SLC4A3: variants seen among roughly 807,000 people sequenced by gnomAD.
SLC4A3 encodes solute carrier family 4 member 3.
In SLC4A3, 47 loss-of-function variants were observed where a neutral mutation model predicts 114.2. The observed-to-expected ratio is 0.41, with a 90% CI of 0.33 to 0.52. The LOEUF (loss-of-function observed/expected upper bound fraction) is 0.52, where lower values mean the gene tolerates loss of function less well. Among genes scored for constraint, SLC4A3 ranks in the 20% least tolerant of loss-of-function variants. The probability of loss-of-function intolerance (pLI) is 0.21; values close to 1 mark genes in which losing one functional copy is unlikely to be tolerated. For missense variants in SLC4A3, 1,312 were observed against 1,668.3 expected (o/e 0.79, Z 3.72); for synonymous variants, 693 against 710.3 (o/e 0.98, Z 0.39).
At chr2:219,632,497 G>C in intron 8 of SLC4A3, 55 bp downstream of exon 8, 25 of 1,505,786 alleles carry the variant, frequency 1.7e-5, no homozygotes, top group Non-Finnish European at 2.0e-5. Flanking sequence ...TCTGTGCCAG[G>C]CTGCTCAGTT....
rs1574657795 is a variant in SLC4A3, at chr2:219,639,016, G to A, written c.3023+147G>A. On this transcript the variant is annotated intron_variant, in intron 19 of 22. Transcript: ENST00000358055. The surrounding 1 kb of genome is among the most constrained non-coding windows in gnomAD (Gnocchi z 5.9). Reference sequence around the variant, plus strand: ...GGTGGCAATCCTTGAGGAAGAGAGTGTGTGTGGAGGAGCTGGCAGGGGTGA... The same window carrying A: ...GGTGGCAATCCTTGAGGAAGAGAGTATGTGTGGAGGAGCTGGCAGGGGTGA... The A allele has an allele frequency of 1.1e-6, 1 of 892,170 alleles. No homozygotes were observed. Among genetic ancestry groups the A allele is most frequent in the Non-Finnish European group, 1.8e-6 (1 of 569,942 alleles). The allele number at this position is 892,170 out of a possible 1,614,324, so 55.3% of individuals were successfully genotyped here. A position where few individuals can be genotyped will look rare whatever the true frequency, so the allele number is the denominator to read the frequency against.
At position 219,641,953 on chromosome 2, in the gene SLC4A3, C is replaced by A; in HGVS notation, c.*225C>A. On this transcript the variant is annotated 3_prime_UTR_variant, in exon 23 of 23. Transcript: ENST00000358055. The surrounding 1 kb of genome is among the most constrained non-coding windows in gnomAD (Gnocchi z 4.0). ...GGCACAGGCTTTGAGCTCATTATAA[C>A]CACACTCCTTGTCTCGTGTCTGCCT... 1 of 490,866 alleles carries A rather than the reference C, an allele frequency of 2.0e-6. No homozygotes were observed. Among genetic ancestry groups the A allele is most frequent in the East Asian group, 3.2e-5 (1 of 30,948 alleles). The allele number at this position is 490,866 out of a possible 1,614,324, so 30.4% of individuals were successfully genotyped here. A position where few individuals can be genotyped will look rare whatever the true frequency, so the allele number is the denominator to read the frequency against.
chr2:219,627,921 A>C lies in SLC4A3; in HGVS notation c.-72A>C. ...CCAGGGCTCCCCGCTAGGCCCCCTCAGTGGCCCCTCCTTCTCACCTGGGTC... is the reference window on the plus strand; with the variant it reads ...CCAGGGCTCCCCGCTAGGCCCCCTCCGTGGCCCCTCCTTCTCACCTGGGTC... On this transcript the variant is annotated 5_prime_UTR_variant, in exon 2 of 23. Transcript: ENST00000358055. The C allele has an allele frequency of 3.9e-6, 5 of 1,296,172 alleles. No homozygotes were observed. Among genetic ancestry groups the C allele is most frequent in the Non-Finnish European group, 5.5e-6 (5 of 916,398 alleles). The allele number at this position is 1,296,172 out of a possible 1,614,324, so 80.3% of individuals were successfully genotyped here. A position where few individuals can be genotyped will look rare whatever the true frequency, so the allele number is the denominator to read the frequency against.
intron 10 of SLC4A3, 85 bp from the exon 11 acceptor site, chr2:219,633,795 A>AGAGCCAGGGCTG: frequency 2.6e-6 from 4 of 1,536,724 alleles, no homozygotes; most frequent in Admixed American, 4.0e-5. Context: ...AGCAGGTCTC[A>AGAGCCAGGGCTG]GAGCCAGGGC....
chr2:219,632,670 G>A (rs1432442811), intron 8 of SLC4A3, among the ~76,000 whole-genome samples: 2 of 152,246 alleles, frequency 1.3e-5, no homozygotes, highest in Non-Finnish European at 2.9e-5. Context: ...GGTGGGGAGG[G>A]GCCGTGCCCT....
chr2:219,632,738 T>C (rs1698972548), intron 8 of SLC4A3, 136 bp from the exon 9 acceptor site: 1 of 1,087,546 alleles, frequency 9.2e-7, no homozygotes. Context: ...AATATGGAGC[T>C]GTGTATCCAT....
chr2:219,635,137 G>T, intron 12 of SLC4A3, 134 bp from the exon 13 acceptor site: 1 of 687,598 alleles, frequency 1.5e-6, no homozygotes, highest in South Asian at 1.8e-5. Context: ...AGCCAACACT[G>T]TTGGACTGGC....
Position 219,639,520 on chromosome 2 carries a change from G to T in SLC4A3, c.3062G>T (p.Gly1021Val). 1.9e-6 allele frequency: 3 copies of T among 1,613,938 alleles called. No homozygotes were observed. Among genetic ancestry groups the T allele is most frequent in the Non-Finnish European group, 2.5e-6 (3 of 1,180,024 alleles). The stretch of plus-strand genomic sequence containing the variant: ...CAGAAGGCGCGGAGGCTGCTCAAGG[G>T]CTCCGGTTTCCACCTGGACCTGCTC... The part of the protein sequence containing the change: ...VSQKARRLLK[G>V]SGFHLDLLLI... Residue 1021 changes from glycine (G) to valine (V), a missense_variant, in exon 20 of 23, where the codon GGC becomes GTC. Physicochemically the swap from Gly to Val is moderately radical, Grantham distance 109. Around this residue, in one of 4 missense-constraint regions of SLC4A3, gnomAD observed 301 missense variants for 460.7 expected, o/e 0.65. Transcript: ENST00000358055. The surrounding 1 kb of genome is among the most constrained non-coding windows in gnomAD (Gnocchi z 5.9).
In SLC4A3 at chr2:219,637,451, G is replaced by A. The variant is rs1699163949; in HGVS notation, c.2536-130G>A. 1.7e-6 allele frequency: 1 copy of A among 605,936 alleles called. No individual in the cohort carries two copies. Among genetic ancestry groups the A allele is most frequent in the South Asian group, 2.0e-5 (1 of 49,196 alleles). 37.5% of individuals were successfully genotyped at this position (605,936 alleles called of 1,614,324 possible). On this transcript the variant is annotated intron_variant, in intron 16 of 22. Coordinates refer to ENST00000358055, the MANE Select transcript of SLC4A3 (RefSeq NM_005070.4). This position sits in a 1 kb window ranked among gnomAD's most constrained non-coding sequence, Gnocchi z 4.6. ...GTGTGTTGTGTGTGTGGTGCAGCTG[G>A]ATGTCCGTGCATTACTGTTGTCTGA...
At position 219,630,218 on chromosome 2, in the gene SLC4A3, C is replaced by T. The variant is rs36068948; in HGVS notation, c.677C>T (p.Ser226Leu). The change falls in exon 6 of 23, where the codon TCG becomes TTG. Residue 226 changes from serine (S) to leucine (L), a missense_variant. Ser to Leu is a moderately radical substitution (Grantham distance 145). Around this residue, in one of 4 missense-constraint regions of SLC4A3, gnomAD observed 771 missense variants for 977.7 expected, o/e 0.79. Coordinates refer to ENST00000358055, the MANE Select transcript of SLC4A3 (RefSeq NM_005070.4). The surrounding 1 kb of genome is among the most constrained non-coding windows in gnomAD (Gnocchi z 6.9). The part of the protein sequence containing the change: ...AGEKSRPWSP[S>L]ASYDLRERLC... ...GAGAAAAGCCGGCCCTGGAGCCCAT[C>T]GGCCAGTTATGACCTGCGGGAGCGA... 6.2e-4 allele frequency: 998 copies of T among 1,610,876 alleles called. 5 individuals are homozygous for T. The African/African-American group carries it at 8.8e-3, about 14-fold the overall frequency.
In SLC4A3 at chr2:219,636,235, A is replaced by G. The variant is rs1197224065; in HGVS notation, c.2192-67A>G. 36 of 1,593,682 alleles carry G rather than the reference A, an allele frequency of 2.3e-5. No homozygotes were observed. The highest frequency in any genetic ancestry group is 2.6e-5 in the Non-Finnish European group (31 of 1,170,110). On this transcript the variant is annotated intron_variant, in intron 14 of 22. Transcript: ENST00000358055. The surrounding 1 kb of genome is among the most constrained non-coding windows in gnomAD (Gnocchi z 5.5). ...TTTGTTGGGGGCCCCAGTTTAGGAC[A>G]AGCTAGATGAAGAAGGGGGCAGATA...
At position 219,635,403 on chromosome 2, in the gene SLC4A3, G is replaced by A. The variant is rs1421502892; in HGVS notation, c.1879G>A (p.Ala627Thr). 6.2e-7 allele frequency: 1 copy of A among 1,614,186 alleles called. No homozygotes were observed. The highest frequency in any genetic ancestry group is 2.2e-5 in the East Asian group (1 of 44,882). Reference protein sequence around the residue: ...EGRDLLRSVAAFQRELLRKRR... With the variant: ...EGRDLLRSVATFQRELLRKRR... Reference sequence around the variant, plus strand: ...CCGTGACCTGCTGCGCTCCGTGGCTGCTTTCCAGCGAGAGCTGCTTAGGAA... The same window carrying A: ...CCGTGACCTGCTGCGCTCCGTGGCTACTTTCCAGCGAGAGCTGCTTAGGAA... Residue 627 changes from alanine to threonine, a missense_variant, in exon 13 of 23, where the codon GCT becomes ACT. Around this residue, in one of 4 missense-constraint regions of SLC4A3, gnomAD observed 771 missense variants for 977.7 expected, o/e 0.79. Transcript: ENST00000358055.
intron 5 of SLC4A3, 37 bp downstream of exon 5, chr2:219,629,732 C>T (rs1470891577): frequency 2.1e-6 from 3 of 1,436,490 alleles, no homozygotes; most frequent in African/African-American, 2.8e-5. Context: ...GGGCCCAGCC[C>T]AGAGCCACAG....
rs1574645716 is a variant in SLC4A3, at chr2:219,630,273, A to C, written c.732A>C (p.Pro244=). The change falls in exon 6 of 23, where the codon CCA becomes CCC. Residue 244 remains proline, a synonymous_variant. Transcript: ENST00000358055. This position sits in a 1 kb window ranked among gnomAD's most constrained non-coding sequence, Gnocchi z 6.9. The part of the protein sequence containing the change: ...RLCPGSALGN[P]GGPEQQVPTD... ...GCCCAGGCAGTGCCCTGGGCAACCC[A>C]GGTGGTCCAGAGCAGCAGGTGCCCA... 6.2e-7 allele frequency: 1 copy of C among 1,613,430 alleles called. No homozygotes were observed. Among genetic ancestry groups the C allele is most frequent in the Non-Finnish European group, 8.5e-7 (1 of 1,179,884 alleles).
At chr2:219,634,338 A>G (rs896702076) in intron 11 of SLC4A3, 82 bp from the exon 12 acceptor site, 4 of 1,407,204 alleles carry the variant, frequency 2.8e-6, no homozygotes, top group Admixed American at 3.7e-5. Flanking sequence ...TCAACTGTCC[A>G]TGATAGCCCT....
Position 219,630,298 on chromosome 2 carries a change from A to G in SLC4A3, c.757A>G (p.Thr253Ala). ...AGGTGGTCCAGAGCAGCAGGTGCCC[A>G]CAGATGAGGCGGAGGCCCAGATGCT... ...NPGGPEQQVP[T>A]DEAEAQMLGS... The change falls in exon 6 of 23, where the codon ACA becomes GCA. Residue 253 changes from threonine (T) to alanine (A), a missense_variant. Transcript: ENST00000358055. This position sits in a 1 kb window ranked among gnomAD's most constrained non-coding sequence, Gnocchi z 6.9. The G allele has an allele frequency of 6.2e-7, 1 of 1,613,030 alleles. No homozygotes were observed. The highest frequency in any genetic ancestry group is 8.5e-7 in the Non-Finnish European group (1 of 1,179,722).
At chr2:219,633,136 T>C in intron 9 of SLC4A3, 127 bp downstream of exon 9, 1 of 1,402,886 alleles carries the variant, frequency 7.1e-7, no homozygotes. Flanking sequence ...TTTCTATCTT[T>C]TGACACTTTC....
At chr2:219,635,925 C>T in intron 14 of SLC4A3, 34 bp downstream of exon 14, 2 of 1,432,786 alleles carry the variant, frequency 1.4e-6, no homozygotes, top group South Asian at 1.4e-5. Flanking sequence ...TTGAGGGGCT[C>T]CTCTAGTCAC....
chr2:219,633,088 C>T lies in SLC4A3; in HGVS notation c.1277+79C>T. ...AGCACATCCTCTTCCAAGTGGCTCC[C>T]AGCCTCTGCTTGAATGCCACAAGTG... On this transcript the variant is annotated intron_variant, in intron 9 of 22. Coordinates refer to ENST00000358055, the MANE Select transcript of SLC4A3 (RefSeq NM_005070.4). 3.9e-6 allele frequency: 6 copies of T among 1,544,090 alleles called. No homozygotes were observed. The South Asian group carries it at 4.6e-5, about 12-fold the overall frequency.
Sources: gnomAD v4.1 joint callset for allele counts (sites outside exome capture counted in the v4.1 genomes callset) on GRCh38, gnomAD v4.1.1 for gene constraint, gnomAD v4.1.1 regional missense constraint, Gnocchi (gnomAD v3.1) non-coding constraint, MANE v1.5 for transcripts, NCBI Gene and HGNC (gene_info 2026-07-23, HGNC 2026-07-21) for gene names.